The following TENM2 variants were observed in gnomAD, a reference collection of about 807,000 sequenced individuals.
TENM2 encodes teneurin-2.
Under a neutral mutation model 245.2 loss-of-function variants are expected in TENM2, and 52 were observed. The observed-to-expected ratio is 0.21, with a 90% CI of 0.17 to 0.27. TENM2 has a LOEUF of 0.27. Ranked by LOEUF, TENM2 falls within the 10% of genes least tolerant of loss-of-function variation. The pLI is 1.00. For missense variants in TENM2, 3,046 were observed against 3,666.8 expected, an observed-to-expected ratio of 0.83 and a Z score of 4.37; for synonymous variants, 1,363 against 1,438.9, an observed-to-expected ratio of 0.95 and a Z score of 1.19.
At chr5:168,083,334 T>C (rs980123414) in intron 7 of TENM2, among the ~76,000 whole-genome samples, 1 of 152,210 alleles carries the variant, frequency 6.6e-6, no homozygotes, top group Non-Finnish European at 1.5e-5. Flanking sequence ...GTCCTGATTT[T>C]CCAGGTACCA....
intron 7 of TENM2, among the ~76,000 whole-genome samples, chr5:168,089,016 G>C (rs973636633): frequency 6.6e-6 from 1 of 152,218 alleles, no homozygotes; most frequent in African/African-American, 2.4e-5. Context: ...CCTACACTTT[G>C]AATGTTCTCT....
intron 2 of TENM2, among the ~76,000 whole-genome samples, chr5:167,806,808 A>G (rs1766211858): frequency 6.6e-6 from 1 of 152,070 alleles, no homozygotes; most frequent in African/African-American, 2.4e-5. Flanking sequence ...GAAGATACTC[A>G]TGGAACAGAG....
chr5:166,999,561 G>A, the TENM2 span, among the ~76,000 whole-genome samples: 1 of 152,106 alleles, frequency 6.6e-6, no homozygotes, highest in Non-Finnish European at 1.5e-5. Flanking sequence ...ATAAAAGTAA[G>A]AATGGAAAGA....
At chr5:167,620,142 G>T (rs1189870306) in intron 2 of TENM2, among the ~76,000 whole-genome samples, 1 of 152,146 alleles carries the variant, frequency 6.6e-6, no homozygotes, top group African/African-American at 2.4e-5. Flanking sequence ...ATGCAGGGCA[G>T]CCTGAGCATC....
intron 1 of TENM2, chr5:167,307,920 C>G (rs985615624): frequency 8.5e-5 from 13 of 152,196 alleles, no homozygotes; most frequent in Admixed American, 2.6e-4. Context: ...AAAGGAGACC[C>G]TAGTCACCTC....
intron 4 of TENM2, among the ~76,000 whole-genome samples, chr5:167,956,588 G>C (rs1029442061): frequency 2.6e-5 from 4 of 152,168 alleles, no homozygotes; most frequent in African/African-American, 9.7e-5. Flanking sequence ...TGGCCATTCA[G>C]TGTGATATTG....
chr5:167,340,469 C>A (rs994538479), intron 1 of TENM2, among the ~76,000 whole-genome samples: 1 of 152,208 alleles, frequency 6.6e-6, no homozygotes, highest in Non-Finnish European at 1.5e-5. Flanking sequence ...CCATGACTTG[C>A]AAATGTCTAC....
the TENM2 span, among the ~76,000 whole-genome samples, chr5:167,049,033 A>T: frequency 1.3e-5 from 2 of 152,188 alleles, no homozygotes; most frequent in African/African-American, 4.8e-5. Flanking sequence ...AAACTACATA[A>T]TTACACAGTA....
intron 2 of TENM2, chr5:167,721,411 A>G (rs932265857): frequency 2.0e-5 from 3 of 152,226 alleles, no homozygotes; most frequent in Admixed American, 2.0e-4. Context: ...TCTATAGGTA[A>G]AAGATCCGAC....
chr5:167,427,869 GGGAAGGAAGGGAA>G (rs1758875688), intron 2 of TENM2, among the ~76,000 whole-genome samples: 1 of 125,256 alleles, frequency 8.0e-6, no homozygotes, highest in Non-Finnish European at 1.8e-5. Flanking sequence ...CGGAAAGGAA[GGGAAGGAAGGGAA>G]GGAAGGAAGG....
At chr5:167,615,640 T>C (rs1292316474) in intron 2 of TENM2, among the ~76,000 whole-genome samples, 1 of 152,154 alleles carries the variant, frequency 6.6e-6, no homozygotes. Flanking sequence ...CAGACAGATT[T>C]TTTTTGAACC....
intron 1 of TENM2, among the ~76,000 whole-genome samples, chr5:167,321,550 C>G (rs1321114251): frequency 6.6e-6 from 1 of 152,084 alleles, no homozygotes; most frequent in East Asian, 1.9e-4. Context: ...ACTTTGGTCT[C>G]TCAGCCAACA....
chr5:167,530,550 C>T (rs1360970217), intron 2 of TENM2, among the ~76,000 whole-genome samples: 2 of 152,074 alleles, frequency 1.3e-5, no homozygotes, highest in Non-Finnish European at 2.9e-5. Context: ...AGCAGAAAGC[C>T]CTGGTTTAAG....
the TENM2 span, among the ~76,000 whole-genome samples, chr5:167,273,165 G>A: frequency 6.6e-6 from 1 of 152,122 alleles, no homozygotes. Flanking sequence ...AGGCAAGATC[G>A]CTGTAGTCTG....
intron 2 of TENM2, among the ~76,000 whole-genome samples, chr5:167,698,833 G>A (rs1215737737): frequency 6.6e-6 from 1 of 151,626 alleles, no homozygotes; most frequent in Non-Finnish European, 1.5e-5. Flanking sequence ...ACAGGTGCCC[G>A]CCACCACGCC....
exon 1 of TENM2, chr5:167,284,853 C>T (rs946611791): frequency 1.7e-5 from 26 of 1,550,974 alleles, no homozygotes; most frequent in South Asian, 3.6e-5. Context: ...TGTAAAGGAC[C>T]GGCGACACCG....
chr5:167,716,830 C>T (rs1318731719), intron 2 of TENM2, among the ~76,000 whole-genome samples: 1 of 151,726 alleles, frequency 6.6e-6, no homozygotes, highest in East Asian at 1.9e-4. Flanking sequence ...ACTTTATTTT[C>T]AAGTGACTAA....
the TENM2 span, among the ~76,000 whole-genome samples, chr5:167,096,957 A>G: frequency 6.6e-6 from 1 of 152,126 alleles, no homozygotes; most frequent in East Asian, 1.9e-4. Flanking sequence ...TTGCACTGTG[A>G]GTCATGTTTG....
intron 2 of TENM2, among the ~76,000 whole-genome samples, chr5:167,867,965 A>G (rs1772471099): frequency 1.3e-5 from 2 of 152,226 alleles, no homozygotes; most frequent in African/African-American, 2.4e-5. Flanking sequence ...GGGTAGGGGA[A>G]GAAGGCTGAC....
Sources: gnomAD v4.1 joint callset for allele counts (sites outside exome capture counted in the v4.1 genomes callset) on GRCh38, gnomAD v4.1.1 for gene constraint, MANE v1.5 for transcripts, NCBI Gene and HGNC (gene_info 2026-07-23, HGNC 2026-07-21) for gene names.